The following SLC9A9 variants were observed in gnomAD, a reference collection of about 807,000 sequenced individuals.
SLC9A9 encodes solute carrier family 9 member A9, also known as sodium/hydrogen exchanger 9.
A neutral mutation model predicts 77.8 loss-of-function variants in SLC9A9; 62 were observed. That is an observed-to-expected ratio of 0.80 (90% confidence interval 0.65 to 0.98). The LOEUF is 0.98. Ranked by LOEUF, SLC9A9 falls within the 50% of genes least tolerant of loss-of-function variation. The pLI, the probability that SLC9A9 is intolerant of heterozygous loss-of-function variation, is 0.00. For missense variants in SLC9A9, 775 were observed against 774.9 expected (o/e 1.00, Z 0.00); for synonymous variants, 320 against 283.5 (o/e 1.13, Z -1.29).
At chr3:143,529,313 C>T (rs765417169) in intron 9 of SLC9A9, among the ~76,000 whole-genome samples, 39 of 152,308 alleles carry the variant, frequency 2.6e-4, no homozygotes, top group Non-Finnish European at 2.1e-4. Flanking sequence ...AGTCCAAGTT[C>T]ACTTTGGCTT....
At chr3:143,483,367 A>G (rs1209408908) in intron 11 of SLC9A9, among the ~76,000 whole-genome samples, 1 of 152,174 alleles carries the variant, frequency 6.6e-6, no homozygotes, top group Non-Finnish European at 1.5e-5. Flanking sequence ...CAAAAACATT[A>G]CTGAACTGGA....
At chr3:143,404,608 T>C (rs1441746340) in intron 12 of SLC9A9, among the ~76,000 whole-genome samples, 1 of 152,102 alleles carries the variant, frequency 6.6e-6, no homozygotes, top group Non-Finnish European at 1.5e-5. Context: ...TTTTTCCCCC[T>C]CTTTATTCCT....
intron 9 of SLC9A9, among the ~76,000 whole-genome samples, chr3:143,509,084 G>T (rs1362883424): frequency 6.6e-6 from 1 of 152,196 alleles, no homozygotes; most frequent in Non-Finnish European, 1.5e-5. Context: ...TGGCAGAGTG[G>T]ACTATGGAAA....
intron 1 of SLC9A9, among the ~76,000 whole-genome samples, chr3:143,842,425 A>C (rs1258776955): frequency 6.6e-6 from 1 of 152,212 alleles, no homozygotes; most frequent in Admixed American, 6.5e-5. Flanking sequence ...ACATAAAAAA[A>C]CATACAGAGT....
chr3:143,588,847 G>A (rs2037600266), intron 6 of SLC9A9, among the ~76,000 whole-genome samples: 1 of 152,162 alleles, frequency 6.6e-6, no homozygotes, highest in Non-Finnish European at 1.5e-5. Flanking sequence ...ATTTAAGAAA[G>A]AGAGAATAAT....
intron 7 of SLC9A9, among the ~76,000 whole-genome samples, chr3:143,576,751 G>A (rs2037366192): frequency 6.6e-6 from 1 of 152,150 alleles, no homozygotes; most frequent in Admixed American, 6.5e-5. Flanking sequence ...CTGGTGATAG[G>A]ATCATTGTGA....
At chr3:143,356,804 T>C (rs1032879559) in intron 14 of SLC9A9, among the ~76,000 whole-genome samples, 2 of 152,190 alleles carry the variant, frequency 1.3e-5, no homozygotes, top group Admixed American at 6.5e-5. Context: ...GTTAAGCCAC[T>C]GAACCCAGCC....
intron 14 of SLC9A9, among the ~76,000 whole-genome samples, chr3:143,353,952 C>T (rs2032526633): frequency 6.6e-6 from 1 of 152,156 alleles, no homozygotes; most frequent in Admixed American, 6.5e-5. Flanking sequence ...TACCTTTAGC[C>T]ATCCAAGTAA....
intron 5 of SLC9A9, among the ~76,000 whole-genome samples, chr3:143,692,649 G>C (rs1342250135): frequency 6.6e-6 from 1 of 152,060 alleles, no homozygotes; most frequent in Non-Finnish European, 1.5e-5. Flanking sequence ...ATTCTCAAAA[G>C]AAGAGAAGAT....
intron 14 of SLC9A9, among the ~76,000 whole-genome samples, chr3:143,336,669 C>T (rs935984103): frequency 5.9e-5 from 9 of 152,058 alleles, no homozygotes; most frequent in Non-Finnish European, 1.3e-4. Flanking sequence ...TGCATAATAA[C>T]CACTTATATG....
intron 14 of SLC9A9, among the ~76,000 whole-genome samples, chr3:143,356,392 T>G (rs1311969599): frequency 6.6e-6 from 1 of 152,100 alleles, no homozygotes; most frequent in Non-Finnish European, 1.5e-5. Flanking sequence ...GAAGAAGAAA[T>G]TATGGAAGAT....
At chr3:143,835,191 C>T (rs1268281750) in intron 1 of SLC9A9, among the ~76,000 whole-genome samples, 2 of 152,232 alleles carry the variant, frequency 1.3e-5, no homozygotes, top group African/African-American at 2.4e-5. Flanking sequence ...TCCTCATGCT[C>T]ACTCCCCACA....
intron 9 of SLC9A9, chr3:143,517,759 G>A (rs2036229330): frequency 6.3e-7 from 1 of 1,598,406 alleles, no homozygotes; most frequent in East Asian, 2.2e-5. Flanking sequence ...ATTTGACGAA[G>A]ACACTGGCCC....
At chr3:143,618,640 A>G (rs1468842310) in intron 6 of SLC9A9, among the ~76,000 whole-genome samples, 2 of 152,158 alleles carry the variant, frequency 1.3e-5, no homozygotes, top group Non-Finnish European at 2.9e-5. Flanking sequence ...TGACAGGAGA[A>G]TGACCATTCT....
chr3:143,295,190 C>T (rs1270995703), intron 14 of SLC9A9, among the ~76,000 whole-genome samples: 1 of 152,212 alleles, frequency 6.6e-6, no homozygotes, highest in Non-Finnish European at 1.5e-5. Context: ...TGAGACTGCA[C>T]TCTTAAAAGG....
chr3:143,615,606 C>T (rs1373078701), intron 6 of SLC9A9, among the ~76,000 whole-genome samples: 5 of 152,162 alleles, frequency 3.3e-5, no homozygotes, highest in Non-Finnish European at 7.3e-5. Flanking sequence ...TTAACTAGAA[C>T]CACTCAAGAG....
intron 5 of SLC9A9, among the ~76,000 whole-genome samples, chr3:143,687,149 T>C (rs1056471602): frequency 1.3e-5 from 2 of 152,116 alleles, no homozygotes; most frequent in Non-Finnish European, 2.9e-5. Flanking sequence ...AAATCGAAAA[T>C]TGGCTGAGAG....
At chr3:143,277,381 A>G (rs1938081742) in intron 14 of SLC9A9, among the ~76,000 whole-genome samples, 1 of 152,234 alleles carries the variant, frequency 6.6e-6, no homozygotes, top group Non-Finnish European at 1.5e-5. Flanking sequence ...ATCCTTGGGC[A>G]GGACCTAGTA....
intron 9 of SLC9A9, among the ~76,000 whole-genome samples, chr3:143,521,685 T>A (rs1400361561): frequency 6.6e-6 from 1 of 152,154 alleles, no homozygotes. Flanking sequence ...TTATATATTC[T>A]ATTTTGATAC....
Sources: gnomAD v4.1 joint callset for allele counts (sites outside exome capture counted in the v4.1 genomes callset) on GRCh38, gnomAD v4.1.1 for gene constraint, MANE v1.5 for transcripts, NCBI Gene and HGNC (gene_info 2026-07-23, HGNC 2026-07-21) for gene names.